The following GALNT13 variants were observed in gnomAD, a reference collection of about 807,000 sequenced individuals.
GALNT13 encodes the protein UDP-GalNAc:polypeptide N-acetylgalactosaminyltransferase 13.
Under a neutral mutation model 64.2 loss-of-function variants are expected in GALNT13, and 28 were observed. That is an observed-to-expected ratio of 0.44 (90% CI 0.32 to 0.60). GALNT13 has a LOEUF of 0.60. GALNT13 is among the 20% of genes least tolerant of loss of function. GALNT13 has a pLI of 0.05. For missense variants in GALNT13, 577 were observed against 669.8 expected, an observed-to-expected ratio of 0.86 and a Z score of 1.53; for synonymous variants, 214 against 224.6, an observed-to-expected ratio of 0.95 and a Z score of 0.42.
chr2:153,179,066 CT>C, the GALNT13 span, among the ~76,000 whole-genome samples: 1 of 152,028 alleles, frequency 6.6e-6, no homozygotes, highest in Non-Finnish European at 1.5e-5. Flanking sequence ...TCTGTTTTTG[CT>C]TTTGTTGCCT....
the GALNT13 span, among the ~76,000 whole-genome samples, chr2:153,534,437 A>C: frequency 2.0e-5 from 3 of 151,428 alleles, no homozygotes; most frequent in Non-Finnish European, 4.4e-5. Flanking sequence ...CAGGACGGCT[A>C]GAGTGAGCTG....
At chr2:154,323,073 T>C (rs542639939) in intron 9 of GALNT13, among the ~76,000 whole-genome samples, 3 of 151,926 alleles carry the variant, frequency 2.0e-5, no homozygotes, top group Non-Finnish European at 4.4e-5. Flanking sequence ...TCTTTTGAGC[T>C]CATCTCAGAA....
At chr2:153,407,850 G>T in the GALNT13 span, among the ~76,000 whole-genome samples, 3 of 152,212 alleles carry the variant, frequency 2.0e-5, no homozygotes, top group African/African-American at 7.2e-5. Flanking sequence ...ACATTAAGGG[G>T]TAGGGGTAGG....
At chr2:153,641,168 C>A in the GALNT13 span, among the ~76,000 whole-genome samples, 1 of 152,070 alleles carries the variant, frequency 6.6e-6, no homozygotes, top group African/African-American at 2.4e-5. Flanking sequence ...TCCTTTAAAT[C>A]TCTCCTTAAT....
the GALNT13 span, among the ~76,000 whole-genome samples, chr2:153,257,079 G>A: frequency 6.6e-6 from 1 of 152,210 alleles, no homozygotes; most frequent in Non-Finnish European, 1.5e-5. Context: ...TTTGATCTCA[G>A]ACTGCTGTGC....
At chr2:153,915,772 G>A (rs546757282) in intron 2 of GALNT13, among the ~76,000 whole-genome samples, 7 of 152,110 alleles carry the variant, frequency 4.6e-5, no homozygotes, top group African/African-American at 1.7e-4. Flanking sequence ...CTGCAGCCTA[G>A]CCATCACATT....
At chr2:153,952,352 T>C (rs1203393388) in intron 3 of GALNT13, among the ~76,000 whole-genome samples, 1 of 152,162 alleles carries the variant, frequency 6.6e-6, no homozygotes, top group African/African-American at 2.4e-5. Context: ...AGTTGTAATA[T>C]GTAATATGAA....
chr2:154,180,789 T>C (rs1685920279), intron 4 of GALNT13, among the ~76,000 whole-genome samples: 1 of 152,208 alleles, frequency 6.6e-6, no homozygotes, highest in Non-Finnish European at 1.5e-5. Flanking sequence ...ATATACTTAA[T>C]TTCATTGCTC....
intron 3 of GALNT13, among the ~76,000 whole-genome samples, chr2:154,084,640 G>A (rs537673426): frequency 6.6e-6 from 1 of 151,958 alleles, no homozygotes; most frequent in South Asian, 2.1e-4. Context: ...CTATAATACA[G>A]ATATTGTGTC....
the GALNT13 span, among the ~76,000 whole-genome samples, chr2:153,711,385 A>C: frequency 6.6e-6 from 1 of 152,156 alleles, no homozygotes; most frequent in Non-Finnish European, 1.5e-5. Context: ...AATTATAATA[A>C]AAGCTACTGT....
At chr2:153,743,099 A>T in the GALNT13 span, among the ~76,000 whole-genome samples, 2 of 13,578 alleles carry the variant, frequency 1.5e-4, no homozygotes, top group South Asian at 6.0e-3. Flanking sequence ...AAAAGAGGGG[A>T]GGGGGAGGGG....
intron 9 of GALNT13, among the ~76,000 whole-genome samples, chr2:154,345,013 A>G (rs951744142): frequency 1.3e-5 from 2 of 151,996 alleles, no homozygotes; most frequent in Admixed American, 6.6e-5. Context: ...CAAACTCCAC[A>G]TGCTTTACAA....
intron 4 of GALNT13, among the ~76,000 whole-genome samples, chr2:154,148,555 G>A (rs1396318320): frequency 6.6e-6 from 1 of 151,990 alleles, no homozygotes; most frequent in East Asian, 1.9e-4. Context: ...GTGTAAAAAT[G>A]TTCCTATTTC....
At chr2:154,184,899 A>G (rs1218379885) in intron 4 of GALNT13, among the ~76,000 whole-genome samples, 2 of 152,120 alleles carry the variant, frequency 1.3e-5, no homozygotes, top group Non-Finnish European at 2.9e-5. Flanking sequence ...ATATACCACC[A>G]TTAGAGTATT....
the GALNT13 span, among the ~76,000 whole-genome samples, chr2:153,069,152 G>T: frequency 6.6e-6 from 1 of 152,208 alleles, no homozygotes; most frequent in African/African-American, 2.4e-5. Context: ...TCCAGGAGAT[G>T]TGTGCTGCCT....
At chr2:153,747,222 C>T in the GALNT13 span, among the ~76,000 whole-genome samples, 2 of 152,104 alleles carry the variant, frequency 1.3e-5, no homozygotes, top group South Asian at 4.2e-4. Context: ...TATCCAATTA[C>T]ATTCCTATAA....
At chr2:153,359,630 C>CAAAAAAAAAAAAAAAAAAAAAAA in the GALNT13 span, among the ~76,000 whole-genome samples, 20 of 38,240 alleles carry the variant, frequency 5.2e-4, 2 homozygotes, top group African/African-American at 6.0e-4. Flanking sequence ...CAGCTTTCAG[C>CAAAAAAAAAAAAAAAAAAAAAAA]AAAAAAAAAA....
At chr2:154,427,336 C>G (rs1468487322) in intron 11 of GALNT13, among the ~76,000 whole-genome samples, 4 of 152,126 alleles carry the variant, frequency 2.6e-5, no homozygotes, top group African/African-American at 9.7e-5. Flanking sequence ...TGATACCTAC[C>G]TGCGGTACAA....
chr2:154,246,061 T>C, intron 7 of GALNT13, 79 bp downstream of exon 7: 1 of 886,314 alleles, frequency 1.1e-6, no homozygotes, highest in South Asian at 2.0e-5. Context: ...GTTCTAATGT[T>C]TAATTATTTA....
Sources: gnomAD v4.1 joint callset for allele counts (sites outside exome capture counted in the v4.1 genomes callset) on GRCh38, gnomAD v4.1.1 for gene constraint, MANE v1.5 for transcripts, NCBI Gene and HGNC (gene_info 2026-07-23, HGNC 2026-07-21) for gene names.